The following MCC variants were observed in gnomAD, a reference collection of about 807,000 sequenced individuals.
MCC encodes the protein MCC regulator of Wnt signaling pathway.
Under a neutral mutation model 116.2 loss-of-function variants are expected in MCC, and 90 were observed. The ratio of observed to expected loss-of-function variants is 0.77; its 90% CI spans 0.65 to 0.92. The LOEUF (loss-of-function observed/expected upper bound fraction) is 0.92. Ranked by LOEUF, MCC falls within the 40% of genes least tolerant of loss-of-function variation. The pLI, the probability that MCC is intolerant of heterozygous loss-of-function variation, is 0.00. For missense variants in MCC, 1,516 were observed against 1,312.2 expected (o/e 1.16, Z -2.40); for synonymous variants, 578 against 510.5 (o/e 1.13, Z -1.78).
chr5:113,425,179 TA>T (rs371037292), intron 1 of MCC, among the ~76,000 whole-genome samples: 18 of 152,272 alleles, frequency 1.2e-4, no homozygotes, highest in African/African-American at 3.9e-4. Flanking sequence ...ACAGGTCTTA[TA>T]AAAGGATTGG....
At chr5:113,479,036 T>C (rs1772305906) in intron 1 of MCC, among the ~76,000 whole-genome samples, 1 of 152,162 alleles carries the variant, frequency 6.6e-6, no homozygotes, top group Non-Finnish European at 1.5e-5. Context: ...ATGTTCATAA[T>C]GCCTTTACTT....
intron 15 of MCC, among the ~76,000 whole-genome samples, chr5:113,053,514 A>T (rs973791109): frequency 2.6e-4 from 2 of 7,730 alleles, no homozygotes; most frequent in African/African-American, 7.2e-4. Context: ...ACACCCTGAG[A>T]AATCCCTTAG....
intron 3 of MCC, among the ~76,000 whole-genome samples, chr5:113,180,092 C>G (rs1184270174): frequency 6.6e-6 from 1 of 152,154 alleles, no homozygotes; most frequent in African/African-American, 2.4e-5. Context: ...AGCCTCCTCC[C>G]CCGATTTTAG....
intron 3 of MCC, among the ~76,000 whole-genome samples, chr5:113,258,593 C>A (rs1265051259): frequency 6.6e-6 from 1 of 152,250 alleles, no homozygotes; most frequent in African/African-American, 2.4e-5. Flanking sequence ...AGAACAGTTT[C>A]ATCCCAATAC....
At chr5:113,053,445 C>T (rs1752612975) in intron 15 of MCC, among the ~76,000 whole-genome samples, 1 of 152,156 alleles carries the variant, frequency 6.6e-6, no homozygotes, top group Non-Finnish European at 1.5e-5. Context: ...GAGGCTCCAC[C>T]CTGCAGAGGT....
At chr5:113,085,125 A>G (rs1448302383) in intron 9 of MCC, 39 bp downstream of exon 9, 1 of 1,613,044 alleles carries the variant, frequency 6.2e-7, no homozygotes, top group Non-Finnish European at 8.5e-7. Context: ...AGATAACAGG[A>G]GGTGTTCCCG....
At chr5:113,333,822 T>TATATTTAC (rs1561527770) in intron 3 of MCC, among the ~76,000 whole-genome samples, 1 of 81,022 alleles carries the variant, frequency 1.2e-5, no homozygotes, top group Non-Finnish European at 2.3e-5. Flanking sequence ...TATATGTACA[T>TATATTTAC]ATATGTATAT....
At chr5:113,252,710 G>C (rs892345636) in intron 3 of MCC, among the ~76,000 whole-genome samples, 1 of 152,108 alleles carries the variant, frequency 6.6e-6, no homozygotes, top group African/African-American at 2.4e-5. Flanking sequence ...TGTCTTCCAG[G>C]AAACTGGTCC....
chr5:113,323,872 G>C (rs1183397957), intron 3 of MCC, among the ~76,000 whole-genome samples: 1 of 152,112 alleles, frequency 6.6e-6, no homozygotes, highest in African/African-American at 2.4e-5. Flanking sequence ...ACTCCATCCT[G>C]GGCACCATAT....
chr5:113,344,269 C>G (rs915108118), intron 2 of MCC, among the ~76,000 whole-genome samples: 1 of 152,176 alleles, frequency 6.6e-6, no homozygotes, highest in Non-Finnish European at 1.5e-5. Context: ...TTGCCCATCC[C>G]AGCAGTCGGA....
chr5:113,406,406 A>T (rs2150400758), intron 1 of MCC, among the ~76,000 whole-genome samples: 1 of 152,296 alleles, frequency 6.6e-6, no homozygotes, highest in Non-Finnish European at 1.5e-5. Flanking sequence ...GTCCCATTGG[A>T]GAGTTATCTA....
At chr5:113,203,777 A>G (rs1762793604) in intron 3 of MCC, among the ~76,000 whole-genome samples, 1 of 152,254 alleles carries the variant, frequency 6.6e-6, no homozygotes, top group Non-Finnish European at 1.5e-5. Flanking sequence ...GATGCGCTCT[A>G]GACACCAGAT....
At chr5:113,060,787 A>G (rs905138767) in intron 14 of MCC, among the ~76,000 whole-genome samples, 1 of 152,136 alleles carries the variant, frequency 6.6e-6, no homozygotes, top group African/African-American at 2.4e-5. Context: ...CTGTCATGTC[A>G]AGGATGTGTC....
At chr5:113,083,970 C>G (rs966883619) in intron 10 of MCC, 131 bp downstream of exon 10, 2 of 664,166 alleles carry the variant, frequency 3.0e-6, no homozygotes, top group Admixed American at 2.6e-5. Context: ...GGAAGGAAAT[C>G]AGGTATGATT....
intron 16 of MCC, among the ~76,000 whole-genome samples, chr5:113,045,823 A>T (rs4705756): frequency 0.5 from 74,339 of 149,296 alleles, 18,893 homozygotes; most frequent in East Asian, 0.63. Flanking sequence ...AAAATTAAAT[A>T]AAGTGCTACT....
At chr5:113,481,910 T>C (rs1322901954) in intron 1 of MCC, among the ~76,000 whole-genome samples, 1 of 152,202 alleles carries the variant, frequency 6.6e-6, no homozygotes, top group Non-Finnish European at 1.5e-5. Flanking sequence ...AATCCTATAC[T>C]CTTTAGCTCT....
intron 3 of MCC, among the ~76,000 whole-genome samples, chr5:113,302,368 T>C (rs1165817986): frequency 6.6e-6 from 1 of 152,156 alleles, no homozygotes. Context: ...AGAAAAACTC[T>C]GCATATTAAA....
intron 1 of MCC, among the ~76,000 whole-genome samples, chr5:113,470,159 T>C (rs1772042073): frequency 6.6e-6 from 1 of 151,938 alleles, no homozygotes; most frequent in African/African-American, 2.4e-5. Context: ...TGTCTTTTAA[T>C]TGGAGCATTT....
intron 1 of MCC, 66 bp from the exon 2 acceptor site, chr5:113,385,278 ATG>A (rs1406889066): frequency 2.7e-6 from 4 of 1,484,102 alleles, no homozygotes; most frequent in Admixed American, 2.1e-5. Flanking sequence ...AAACTGGTTA[ATG>A]AAAAAAAAAA....
Sources: allele counts gnomAD v4.1 joint callset (sites outside exome capture counted in the v4.1 genomes callset), GRCh38; gene constraint gnomAD v4.1.1; transcripts MANE v1.5; gene names NCBI Gene and HGNC (gene_info 2026-07-23, HGNC 2026-07-21).